The following PADI6 variants were observed in gnomAD, a reference collection of about 807,000 sequenced individuals.
PADI6 encodes the protein inactive protein-arginine deiminase type-6.
A neutral mutation model predicts 78.2 loss-of-function variants in PADI6; 66 were observed. That is an observed-to-expected ratio of 0.84 (90% CI 0.69 to 1.04). The LOEUF is 1.04. Ranked by LOEUF, PADI6 falls within the 50% of genes least tolerant of loss-of-function variation. The probability of loss-of-function intolerance (pLI) is 0.00; values close to 1 mark genes in which losing one functional copy is unlikely to be tolerated. For synonymous variants in PADI6, 397 were observed against 346.9 expected, an observed-to-expected ratio of 1.14 and a Z score of -1.60; for missense variants, 854 against 866.1, an observed-to-expected ratio of 0.99 and a Z score of 0.18.
chr1:17,378,779 A>AT (rs1245396421), intron 3 of PADI6, among the ~76,000 whole-genome samples: 1 of 151,304 alleles, frequency 6.6e-6, no homozygotes, highest in Non-Finnish European at 1.5e-5. Flanking sequence ...TAATTTTTGT[A>AT]TTTTTCATAG....
At chr1:17,376,448 C>T (rs36067110) in intron 3 of PADI6, among the ~76,000 whole-genome samples, 11 of 149,908 alleles carry the variant, frequency 7.3e-5, no homozygotes, top group Admixed American at 4.0e-4. Context: ...TATAGGTACC[C>T]GCCACCATGC....
intron 13 of PADI6, among the ~76,000 whole-genome samples, chr1:17,396,248 T>C (rs2075246304): frequency 2.6e-5 from 4 of 152,134 alleles, no homozygotes. Flanking sequence ...TAGCCGGGCA[T>C]GGTGGTGCAT....
chr1:17,387,535 G>C (rs1055180385), intron 6 of PADI6, among the ~76,000 whole-genome samples: 1 of 152,050 alleles, frequency 6.6e-6, no homozygotes, highest in South Asian at 2.1e-4. Flanking sequence ...AGATCACGAG[G>C]TCAGGAGATC....
At position 17,401,659 on chromosome 1, in the gene PADI6, G is replaced by C. The variant is rs572240645; in HGVS notation, c.*221G>C. On this transcript the variant is annotated 3_prime_UTR_variant, in exon 16 of 16. Transcript: ENST00000619609. The stretch of plus-strand genomic sequence containing the variant: ...ATGCAAAAGTGTTCAGCCAAGTGAC[G>C]TTTACTAAATAGCCAATAAAGGGCT... 4.8e-5 allele frequency: 27 copies of C among 559,868 alleles called. No individual in the cohort carries two copies. The highest frequency in any genetic ancestry group is 3.3e-4 in the East Asian group (11 of 33,142). The allele number at this position is 559,868 out of a possible 1,614,324, so 34.7% of individuals were successfully genotyped here.
Position 17,395,654 on chromosome 1 carries a change from C to T in PADI6, c.1609C>T (p.Leu537=), listed in dbSNP as rs1054292750. ...LFDELRADQL[L]SNGREAKTID... is the part of the protein sequence containing the mutation. Reference sequence around the variant, plus strand: ...TGATGAGCTTAGAGCAGATCAGCTCCTGTCTAATGGTAAGGGAACTCCCTT... The same window carrying T: ...TGATGAGCTTAGAGCAGATCAGCTCTTGTCTAATGGTAAGGGAACTCCCTT... The change falls in exon 13 of 16, where the codon CTG becomes TTG. Residue 537 remains leucine, a synonymous_variant. Transcript: ENST00000619609. The T allele has an allele frequency of 1.2e-5, 19 of 1,611,492 alleles. 1 individual carries two copies. In the South Asian group the frequency reaches 2.1e-4, roughly 18 times the overall value.
chr1:17,372,583 G>A (rs1436717724), intron 1 of PADI6, among the ~76,000 whole-genome samples: 2 of 152,122 alleles, frequency 1.3e-5, no homozygotes, highest in South Asian at 2.1e-4. Flanking sequence ...TGGACTCTTA[G>A]TGAGGCAAGG....
In PADI6 at chr1:17,384,169, A is replaced by T. The variant is rs557878212; in HGVS notation, c.679+2077A>T. Among the ~76,000 whole-genome samples the T allele has an allele frequency of 2.0e-4, 30 of 152,214 alleles. No homozygotes were observed. The South Asian group carries it at 5.2e-3, about 26-fold the overall frequency. ...AAAAAAAAAACTTAAAAATCAGGGT[A>T]GGGCAACACAGCATGTTATGTTTTA... is the stretch of plus-strand genomic sequence containing the variant. On this transcript the variant is annotated intron_variant, in intron 6 of 15. Coordinates refer to ENST00000619609, the MANE Select transcript of PADI6 (RefSeq NM_207421.4).
chr1:17,395,049 G>A lies in PADI6; in HGVS notation c.1436G>A (p.Gly479Asp). 6.2e-7 allele frequency: 1 copy of A among 1,613,972 alleles called. No individual in the cohort carries two copies. Among genetic ancestry groups the A allele is most frequent in the Non-Finnish European group, 8.5e-7 (1 of 1,179,936 alleles). ...VELYSDWLMT[G>D]HVDEFMCFIP... ...CTCTACTCAGATTGGCTAATGACTG[G>A]CCACGTGGATGAGTTCATGTGCTTC... The change falls in exon 12 of 16, where the codon GGC (glycine) becomes GAC (aspartate). Residue 479 changes from glycine (G) to aspartate (D), a missense_variant. Gly to Asp is a moderately conservative substitution (Grantham distance 94, BLOSUM62 -1). Transcript: ENST00000619609.
intron 2 of PADI6, among the ~76,000 whole-genome samples, chr1:17,375,016 G>A (rs1043230094): frequency 1.3e-5 from 2 of 152,138 alleles, no homozygotes; most frequent in African/African-American, 4.8e-5. Context: ...TCCCCACCGT[G>A]CACCTTATGG....
chr1:17,387,022 G>A (rs1311655948), intron 6 of PADI6, among the ~76,000 whole-genome samples: 1 of 152,172 alleles, frequency 6.6e-6, no homozygotes, highest in Non-Finnish European at 1.5e-5. Context: ...AAGTCACCTG[G>A]AATCTTGAGC....
chr1:17,400,034 A>C (rs1479658093), intron 15 of PADI6, among the ~76,000 whole-genome samples: 1 of 150,276 alleles, frequency 6.7e-6, no homozygotes, highest in Non-Finnish European at 1.5e-5. Context: ...CTGTCTCCCA[A>C]AAAAACAAAC....
rs6703392 is a variant in PADI6 at position 17,381,263 on chromosome 1, G to A, written c.553+99G>A. The A allele has an allele frequency of 3.4e-5, 32 of 946,668 alleles. No homozygotes were observed. In the East Asian group the frequency reaches 3.5e-4, roughly 10 times the overall value. 58.6% of individuals were successfully genotyped at this position (946,668 alleles called of 1,614,324 possible). A position where few individuals can be genotyped will look rare whatever the true frequency, so the allele number is the denominator to read the frequency against. ...GACTAATTTTCTCCACCCCACCCCC[G>A]ACACCCTCTTCCCCAGTCCCCATGC... On this transcript the variant is annotated intron_variant, in intron 5 of 15. Coordinates refer to ENST00000619609, the MANE Select transcript of PADI6 (RefSeq NM_207421.4).
At position 17,380,194 on chromosome 1, in the gene PADI6, G is replaced by GTT. The variant is rs113168303; in HGVS notation, c.435+215_435+216dup. Among the ~76,000 whole-genome samples, 276 of 151,094 alleles carry GTT rather than the reference G, an allele frequency of 1.8e-3. 3 individuals are homozygous for GTT. The highest frequency in any genetic ancestry group is 6.5e-3 in the African/African-American group (266 of 41,234). On this transcript the variant is annotated intron_variant, in intron 4 of 15. Transcript: ENST00000619609. ...CTTTTCTTTTGTGGGGTATTTTTTT[G>GTT]TTTTTTTTTGTTTGTTTGTTTTTGA...
intron 1 of PADI6, among the ~76,000 whole-genome samples, chr1:17,372,565 A>G (rs1423475500): frequency 1.3e-5 from 2 of 152,150 alleles, no homozygotes; most frequent in Non-Finnish European, 2.9e-5. Context: ...GCCCTGTAGC[A>G]GCTGCCATGG....
At chr1:17,392,254 C>T (rs12737852) in intron 9 of PADI6, 29 bp downstream of exon 9, 409,683 of 1,509,984 alleles carry the variant, frequency 0.27, 56,216 homozygotes, top group East Asian at 0.34. Context: ...ACCCACCTGT[C>T]GGGGAGGGGT....
chr1:17,381,527 T>TA (rs1413533479), intron 5 of PADI6, among the ~76,000 whole-genome samples: 1 of 152,206 alleles, frequency 6.6e-6, no homozygotes. Context: ...CGCTGCTTTC[T>TA]AAAAAGCCTC....
chr1:17,376,498 T>TG (rs1424453114), intron 3 of PADI6, among the ~76,000 whole-genome samples: 3 of 150,956 alleles, frequency 2.0e-5, no homozygotes, highest in African/African-American at 7.4e-5. Context: ...CTAATTTTTT[T>TG]TATTTTTAGT....
At position 17,387,460 on chromosome 1, in the gene PADI6, G is replaced by C. The variant is rs113796658; in HGVS notation, c.680-921G>C. ...ACTCCACCTCAAAAAAGAAAAGGAG[G>C]GGGGGGGGCCAGGCGTGGTAGCTCA... is the stretch of plus-strand genomic sequence containing the variant. On this transcript the variant is annotated intron_variant, in intron 6 of 15. Transcript: ENST00000619609. Among the ~76,000 whole-genome samples the C allele has an allele frequency of 9.0e-4, 129 of 143,236 alleles. 1 individual carries two copies. The highest frequency in any genetic ancestry group is 3.0e-3 in the African/African-American group (105 of 35,348). The allele number at this position is 143,236 out of a possible 152,430, so 94.0% of individuals were successfully genotyped here.
intron 13 of PADI6, among the ~76,000 whole-genome samples, chr1:17,396,513 C>T (rs554075753): frequency 5.0e-4 from 76 of 152,266 alleles, no homozygotes; most frequent in African/African-American, 1.8e-3. Context: ...GTAGAATTTC[C>T]ACCCTGCTCC....
Sources: gnomAD v4.1 joint callset for allele counts (sites outside exome capture counted in the v4.1 genomes callset) on GRCh38, gnomAD v4.1.1 for gene constraint, MANE v1.5 for transcripts, NCBI Gene and HGNC (gene_info 2026-07-23, HGNC 2026-07-21) for gene names.